SIN3A: variants seen among roughly 807,000 people sequenced by gnomAD.
SIN3A encodes SIN3 transcription regulator family member A, also known as paired amphipathic helix protein Sin3a.
SIN3A carries 14 observed loss-of-function variants against 146.1 expected under a neutral mutation model. The observed-to-expected ratio is 0.10, with a 90% CI of 0.06 to 0.15. The LOEUF is 0.15. Among genes scored for constraint, SIN3A ranks in the 10% least tolerant of loss-of-function variants. SIN3A has a pLI of 1.00. For synonymous variants in SIN3A, 572 were observed against 572.0 expected (o/e 1.00, Z 0.00); for missense variants, 1,028 against 1,576.0 (o/e 0.65, Z 5.89).
chr15:75,407,215 T>G (rs2073532345), intron 8 of SIN3A, 71 bp from the exon 9 acceptor site: 2 of 1,044,892 alleles, frequency 1.9e-6, no homozygotes, highest in Non-Finnish European at 1.5e-6. Context: ...TTGTCTGTAT[T>G]CAATGGTTTC....
At chr15:75,383,579 A>G (rs1404697251) in intron 17 of SIN3A, among the ~76,000 whole-genome samples, 1 of 147,840 alleles carries the variant, frequency 6.8e-6, no homozygotes, top group African/African-American at 2.5e-5. Context: ...CCCAGGCTGG[A>G]GTGCAGTGGC....
chr15:75,418,459 G>T (rs2073782165), intron 3 of SIN3A, among the ~76,000 whole-genome samples: 1 of 151,928 alleles, frequency 6.6e-6, no homozygotes, highest in Admixed American at 6.6e-5. Flanking sequence ...CAGAGTAACT[G>T]GGATTACAGG....
chr15:75,405,697 G>A (rs777375441), intron 9 of SIN3A, among the ~76,000 whole-genome samples: 1 of 152,132 alleles, frequency 6.6e-6, no homozygotes, highest in Non-Finnish European at 1.5e-5. Context: ...GTTGCAGTGA[G>A]CCAAGATTGC....
intron 13 of SIN3A, 91 bp downstream of exon 13, chr15:75,396,167 C>G: frequency 1.1e-6 from 1 of 948,866 alleles, no homozygotes; most frequent in East Asian, 2.4e-5. Context: ...TCTCATGGGA[C>G]AACCAGGTTG....
intron 1 of SIN3A, among the ~76,000 whole-genome samples, chr15:75,444,229 T>G (rs563076724): frequency 2.1e-4 from 32 of 152,204 alleles, no homozygotes; most frequent in African/African-American, 7.5e-4. Flanking sequence ...CTTCGAGAGA[T>G]AAGAAGTTTG....
intron 9 of SIN3A, among the ~76,000 whole-genome samples, chr15:75,402,523 T>TA (rs2073430110): frequency 6.6e-6 from 1 of 151,838 alleles, no homozygotes; most frequent in Admixed American, 6.6e-5. Flanking sequence ...GTCTCATAAG[T>TA]AAAAAAATAA....
chr15:75,453,549 T>G (rs1210090359), upstream of SIN3A: 2 of 152,464 alleles, frequency 1.3e-5, no homozygotes, highest in Non-Finnish European at 2.9e-5. Context: ...CGACTTCCCG[T>G]GAACACAGGG....
chr15:75,427,997 AAATG>A (rs1246016424), intron 2 of SIN3A, among the ~76,000 whole-genome samples: 2 of 151,488 alleles, frequency 1.3e-5, no homozygotes, highest in African/African-American at 2.4e-5. Flanking sequence ...ATAAATAAAT[AAATG>A]AATAAAATAA....
Position 75,411,361 on chromosome 15 carries a change from A to G in SIN3A, c.1008+131T>C. 14 of 1,034,616 alleles carry G rather than the reference A, an allele frequency of 1.4e-5. No individual in the cohort carries two copies. In the South Asian group the frequency reaches 2.2e-4, roughly 16 times the overall value. The allele number at this position is 1,034,616 out of a possible 1,614,324, so 64.1% of individuals were successfully genotyped here. ...AACAAACAAACAAACTGGCTTTAAA[A>G]ACATGCATGATAGTTTCTAACTGGT... is the stretch of plus-strand genomic sequence containing the variant. On this transcript the variant is annotated intron_variant, in intron 6 of 20. Coordinates refer to ENST00000394947, the MANE Select transcript of SIN3A (RefSeq NM_001145358.2).
intron 9 of SIN3A, among the ~76,000 whole-genome samples, chr15:75,405,574 A>C (rs939865997): frequency 1.3e-5 from 2 of 151,940 alleles, no homozygotes; most frequent in Non-Finnish European, 2.9e-5. Flanking sequence ...AACATGGTGA[A>C]ACCCTGTCTC....
At chr15:75,383,487 G>C (rs537848366) in intron 17 of SIN3A, among the ~76,000 whole-genome samples, 2 of 150,796 alleles carry the variant, frequency 1.3e-5, no homozygotes, top group South Asian at 2.1e-4. Flanking sequence ...GCAGTGACGC[G>C]ATCAGGCCTC....
rs2072976623 is a variant in SIN3A, at chr15:75,381,774, T to A, written c.3196-69A>T. 6.9e-6 allele frequency: 9 copies of A among 1,299,160 alleles called. No individual in the cohort carries two copies. The South Asian group carries it at 1.1e-4, about 16-fold the overall frequency. The allele number at this position is 1,299,160 out of a possible 1,614,324, so 80.5% of individuals were successfully genotyped here. A position where few individuals can be genotyped will look rare whatever the true frequency, so the allele number is the denominator to read the frequency against. ...AGCTGTAATCTATCTTCTCAAGGAA[T>A]GAGAGGTGCAGAGGCAATAAACTTA... On this transcript the variant is annotated intron_variant, in intron 17 of 20. Coordinates refer to ENST00000394947, the MANE Select transcript of SIN3A (RefSeq NM_001145358.2).
intron 12 of SIN3A, among the ~76,000 whole-genome samples, chr15:75,397,447 G>A (rs920696231): frequency 3.4e-4 from 52 of 152,282 alleles, no homozygotes; most frequent in African/African-American, 1.1e-3. Context: ...GCATTTAAAG[G>A]TGTGAGATCA....
intron 19 of SIN3A, among the ~76,000 whole-genome samples, chr15:75,376,551 T>C (rs1410066073): frequency 6.6e-6 from 1 of 152,182 alleles, no homozygotes; most frequent in East Asian, 1.9e-4. Flanking sequence ...ATATTGTTTC[T>C]CATAACTTGC....
At chr15:75,403,049 G>C (rs1038861957) in intron 9 of SIN3A, among the ~76,000 whole-genome samples, 3 of 152,198 alleles carry the variant, frequency 2.0e-5, no homozygotes, top group African/African-American at 7.2e-5. Flanking sequence ...TATGAAACAA[G>C]TAACTGGCTA....
chr15:75,397,053 G>C (rs907915462), intron 12 of SIN3A, among the ~76,000 whole-genome samples: 5 of 152,162 alleles, frequency 3.3e-5, no homozygotes, highest in African/African-American at 1.2e-4. Context: ...AATAATAAGA[G>C]CAGTGACTAT....
chr15:75,375,134 T>C (rs944497732), intron 20 of SIN3A, among the ~76,000 whole-genome samples: 3 of 152,176 alleles, frequency 2.0e-5, no homozygotes, highest in African/African-American at 7.2e-5. Flanking sequence ...CTTAAAATTC[T>C]TATGTTGGCC....
intron 13 of SIN3A, among the ~76,000 whole-genome samples, chr15:75,395,561 G>A (rs1177616873): frequency 6.6e-6 from 1 of 152,150 alleles, no homozygotes; most frequent in Admixed American, 6.5e-5. Context: ...ATGATACTGA[G>A]AGAGAACCAA....
At position 75,381,599 on chromosome 15, in the gene SIN3A, G is replaced by A. The variant is rs2072971533; in HGVS notation, c.3288+14C>T. 1 of 1,601,686 alleles carries A rather than the reference G, an allele frequency of 6.2e-7. No homozygotes were observed. Among genetic ancestry groups the A allele is most frequent in the South Asian group, 1.1e-5 (1 of 90,686 alleles). On this transcript the variant is annotated intron_variant, in intron 18 of 20. Transcript: ENST00000394947. ...CTGCTTGGCACCTGGGGTCTGTGAT[G>A]TACTTGCTCATACCTCTGCTTCCAC...
Sources: gnomAD v4.1 joint callset for allele counts (sites outside exome capture counted in the v4.1 genomes callset) on GRCh38, gnomAD v4.1.1 for gene constraint, MANE v1.5 for transcripts, NCBI Gene and HGNC (gene_info 2026-07-23, HGNC 2026-07-21) for gene names.